The following THSD7B variants were observed in gnomAD, a reference collection of about 807,000 sequenced individuals.
THSD7B encodes thrombospondin type 1 domain containing 7B.
In THSD7B, 138 loss-of-function variants were observed where a neutral mutation model predicts 213.6. The ratio of observed to expected loss-of-function variants is 0.65; its 90% CI spans 0.56 to 0.74. The LOEUF is 0.74. Ranked by LOEUF, THSD7B falls within the 30% of genes least tolerant of loss-of-function variation. The pLI is 0.00. For synonymous variants in THSD7B, 742 were observed against 687.0 expected (o/e 1.08, Z -1.25); for missense variants, 1,931 against 1,991.5 (o/e 0.97, Z 0.58).
intron 4 of THSD7B, among the ~76,000 whole-genome samples, chr2:137,110,628 T>C (rs1454657502): frequency 1.3e-5 from 2 of 152,230 alleles, no homozygotes; most frequent in Non-Finnish European, 2.9e-5. Context: ...AATTTGATTT[T>C]GGGGCCTTGA....
Position 137,050,145 on chromosome 2 carries a change from T to C in THSD7B, c.140-6275T>C, listed in dbSNP as rs557939844. 2.6e-5 allele frequency among the ~76,000 whole-genome samples: 4 copies of C among 152,358 alleles called. No homozygotes were observed. The East Asian group carries it at 7.7e-4, about 29-fold the overall frequency. On this transcript the variant is annotated intron_variant, in intron 2 of 27. Transcript: ENST00000409968. ...TACATTCTAGGAGGTTAGCAGGATGTAGGTTTTAGTGATCCTAAAGACCTA... is the reference window on the plus strand; with the variant it reads ...TACATTCTAGGAGGTTAGCAGGATGCAGGTTTTAGTGATCCTAAAGACCTA...
chr2:137,242,716 T>A (rs1681940566), intron 10 of THSD7B, 144 bp downstream of exon 10: 2 of 619,464 alleles, frequency 3.2e-6, no homozygotes, highest in Non-Finnish European at 2.9e-6. Flanking sequence ...GTAAAGTTTG[T>A]AAATGAAGTC....
intron 9 of THSD7B, among the ~76,000 whole-genome samples, chr2:137,239,213 G>A (rs1478770201): frequency 1.3e-5 from 2 of 151,850 alleles, no homozygotes; most frequent in African/African-American, 2.4e-5. Context: ...CCCTTCACTC[G>A]GCTTCCCCCA....
rs13424917 is a variant in THSD7B, at chr2:137,046,447, C to A, written c.140-9973C>A. On this transcript the variant is annotated intron_variant, in intron 2 of 27. Transcript: ENST00000409968. ...TGCGTCTAATTTGGTTTAAGAGACC[C>A]AGCGGGGTGTGGTGGCTCACGACTG... 8.5e-3 allele frequency among the ~76,000 whole-genome samples: 1,286 copies of A among 152,066 alleles called. 20 individuals are homozygous for A. The highest frequency in any genetic ancestry group is 0.029 in the African/African-American group (1,201 of 41,510).
At chr2:137,107,867 C>T (rs567990251) in intron 4 of THSD7B, among the ~76,000 whole-genome samples, 32 of 152,292 alleles carry the variant, frequency 2.1e-4, no homozygotes, top group African/African-American at 7.2e-4. Flanking sequence ...TCAATAGTCC[C>T]ACTTTATCCA....
At chr2:136,903,876 C>T (rs1489040886) in intron 2 of THSD7B, among the ~76,000 whole-genome samples, 1 of 151,398 alleles carries the variant, frequency 6.6e-6, no homozygotes, top group East Asian at 1.9e-4. Context: ...TGGCAGAAAG[C>T]ATAGAACTTT....
At chr2:137,170,531 G>A (rs941126557) in intron 6 of THSD7B, among the ~76,000 whole-genome samples, 2 of 152,056 alleles carry the variant, frequency 1.3e-5, no homozygotes, top group African/African-American at 4.8e-5. Context: ...TAAACTCTTG[G>A]AAGACAGATT....
At chr2:136,865,932 T>A (rs896845972) in intron 1 of THSD7B, among the ~76,000 whole-genome samples, 1 of 152,156 alleles carries the variant, frequency 6.6e-6, no homozygotes, top group Non-Finnish European at 1.5e-5. Context: ...GGTAGAGGGT[T>A]AAGGTGCAGC....
At chr2:137,240,581 G>A (rs1042930219) in intron 9 of THSD7B, among the ~76,000 whole-genome samples, 1 of 151,946 alleles carries the variant, frequency 6.6e-6, no homozygotes, top group African/African-American at 2.4e-5. Flanking sequence ...TATGATCATA[G>A]CTTACTGCAG....
chr2:137,390,419 G>T (rs376507129), intron 12 of THSD7B, among the ~76,000 whole-genome samples: 1 of 152,044 alleles, frequency 6.6e-6, no homozygotes, highest in African/African-American at 2.4e-5. Flanking sequence ...TTATATATCA[G>T]ATCTAAGTTT....
chr2:136,881,209 C>G (rs1683617286), intron 1 of THSD7B, among the ~76,000 whole-genome samples: 1 of 152,192 alleles, frequency 6.6e-6, no homozygotes, highest in Non-Finnish European at 1.5e-5. Context: ...GCCTTGTCCT[C>G]AGTCTTTCCA....
intron 12 of THSD7B, among the ~76,000 whole-genome samples, chr2:137,375,337 T>C (rs955670165): frequency 1.3e-5 from 2 of 152,178 alleles, no homozygotes; most frequent in Admixed American, 6.5e-5. Context: ...TACATCACTT[T>C]AAGCAAATTC....
At chr2:137,093,740 T>C (rs977575810) in intron 3 of THSD7B, among the ~76,000 whole-genome samples, 2 of 152,028 alleles carry the variant, frequency 1.3e-5, no homozygotes, top group Non-Finnish European at 2.9e-5. Flanking sequence ...GCTGGTCACA[T>C]TATCACATTA....
intron 12 of THSD7B, among the ~76,000 whole-genome samples, chr2:137,365,964 C>G (rs1050309823): frequency 6.6e-6 from 1 of 152,136 alleles, no homozygotes; most frequent in South Asian, 2.1e-4. Flanking sequence ...TGGCACCATT[C>G]ACAATAGCAA....
chr2:137,228,012 C>G (rs1681549104), intron 7 of THSD7B, among the ~76,000 whole-genome samples: 1 of 152,090 alleles, frequency 6.6e-6, no homozygotes, highest in African/African-American at 2.4e-5. Context: ...TTGATTCCTA[C>G]AAATGAAATA....
At chr2:137,361,314 C>T (rs772497732) in intron 12 of THSD7B, among the ~76,000 whole-genome samples, 23 of 152,242 alleles carry the variant, frequency 1.5e-4, no homozygotes, top group Middle Eastern at 3.4e-3. Flanking sequence ...AAAACCAGAG[C>T]GCCCCTTCTC....
intron 3 of THSD7B, among the ~76,000 whole-genome samples, chr2:137,091,542 T>C (rs577548354): frequency 2.6e-5 from 4 of 152,154 alleles, no homozygotes; most frequent in African/African-American, 4.8e-5. Flanking sequence ...CATTCATTCA[T>C]TCACTCACTT....
At chr2:136,765,899 G>C (rs1378832965) in intron 1 of THSD7B, among the ~76,000 whole-genome samples, 1 of 152,252 alleles carries the variant, frequency 6.6e-6, no homozygotes, top group Non-Finnish European at 1.5e-5. Context: ...GGGGCTGCGG[G>C]AAGCGTGGGC....
At chr2:137,206,309 C>T (rs370673583) in intron 7 of THSD7B, among the ~76,000 whole-genome samples, 2 of 152,018 alleles carry the variant, frequency 1.3e-5, no homozygotes, top group African/African-American at 4.8e-5. Context: ...CATCTAGTAA[C>T]CAGTACAAAC....
Sources: gnomAD v4.1 joint callset for allele counts (sites outside exome capture counted in the v4.1 genomes callset) on GRCh38, gnomAD v4.1.1 for gene constraint, MANE v1.5 for transcripts, NCBI Gene and HGNC (gene_info 2026-07-23, HGNC 2026-07-21) for gene names.